The following SYT16 variants were observed in gnomAD, a reference collection of about 807,000 sequenced individuals.
SYT16 encodes the protein synaptotagmin-16.
SYT16 carries 42 observed loss-of-function variants against 61.4 expected under a neutral mutation model. The ratio of observed to expected loss-of-function variants is 0.68; its 90% CI spans 0.53 to 0.89. SYT16 has a LOEUF of 0.89. Among genes scored for constraint, SYT16 ranks in the 40% least tolerant of loss-of-function variants. The pLI, the probability that SYT16 is intolerant of heterozygous loss-of-function variation, is 0.00. For synonymous variants in SYT16, 314 were observed against 302.3 expected, an observed-to-expected ratio of 1.04 and a Z score of -0.40; for missense variants, 804 against 807.3, an observed-to-expected ratio of 1.00 and a Z score of 0.05.
At chr14:61,895,814 A>T (rs550903364) in intron 1 of SYT16, among the ~76,000 whole-genome samples, 2 of 152,352 alleles carry the variant, frequency 1.3e-5, no homozygotes, top group South Asian at 2.1e-4. Context: ...GTAAAAAAAA[A>T]TTAATCTTGT....
intron 1 of SYT16, among the ~76,000 whole-genome samples, chr14:61,891,431 G>T (rs1288321580): frequency 6.6e-6 from 1 of 152,146 alleles, no homozygotes; most frequent in Non-Finnish European, 1.5e-5. Flanking sequence ...ATGCATTTCA[G>T]CTCACTGTTG....
At chr14:61,889,065 T>G (rs2048024105) in intron 1 of SYT16, among the ~76,000 whole-genome samples, 1 of 152,042 alleles carries the variant, frequency 6.6e-6, no homozygotes, top group Admixed American at 6.6e-5. Flanking sequence ...CTTGGTAAAG[T>G]TGGTAAGGCA....
intron 1 of SYT16, among the ~76,000 whole-genome samples, chr14:61,948,128 T>C (rs960945051): frequency 6.6e-6 from 1 of 152,168 alleles, no homozygotes; most frequent in Non-Finnish European, 1.5e-5. Context: ...AGGAGAGCCC[T>C]AGAAGCTTTT....
chr14:61,974,154 C>G (rs10146529), intron 2 of SYT16, among the ~76,000 whole-genome samples: 110,057 of 151,962 alleles, frequency 0.72, 40,038 homozygotes, highest in Admixed American at 0.8. Flanking sequence ...CAGGAGAACA[C>G]TTGTTTTAGA....
At chr14:61,821,827 G>C (rs546048101) in intron 1 of SYT16, among the ~76,000 whole-genome samples, 1 of 152,282 alleles carries the variant, frequency 6.6e-6, no homozygotes, top group South Asian at 2.1e-4. Context: ...GAGTCTGTCT[G>C]CTATACTCCC....
intron 1 of SYT16, among the ~76,000 whole-genome samples, chr14:61,940,900 T>C (rs1200125767): frequency 6.6e-6 from 1 of 152,158 alleles, no homozygotes; most frequent in Non-Finnish European, 1.5e-5. Flanking sequence ...GCAGATCTGC[T>C]TGAATAATCA....
chr14:62,090,323 A>G (rs1394932862), intron 7 of SYT16, among the ~76,000 whole-genome samples: 1 of 152,228 alleles, frequency 6.6e-6, no homozygotes, highest in Non-Finnish European at 1.5e-5. Flanking sequence ...ACCCCAAATG[A>G]TAATACTTAA....
At chr14:61,964,236 T>C (rs891980652) in intron 1 of SYT16, among the ~76,000 whole-genome samples, 9 of 152,186 alleles carry the variant, frequency 5.9e-5, no homozygotes, top group Non-Finnish European at 1.2e-4. Context: ...CTGACTCATA[T>C]GGGCAAAGCA....
rs376404574 is a variant in SYT16, at chr14:62,081,173, C to G, written c.1333C>G (p.Arg445Gly). 2.2e-5 allele frequency: 35 copies of G among 1,613,722 alleles called. No individual in the cohort carries two copies. The African/African-American group carries it at 4.3e-4, about 20-fold the overall frequency. ...FRLYAARKMTRERMMGEKLFY... is the reference protein window; with the variant it reads ...FRLYAARKMTGERMMGEKLFY... The stretch of plus-strand genomic sequence containing the variant: ...CCTGTACGCTGCCCGGAAGATGACC[C>G]GAGAGAGAATGATGGGAGAGAAACT... The change falls in exon 6 of 8, where the codon CGA becomes GGA. Residue 445 changes from arginine (R) to glycine (G), a missense_variant. Physicochemically the swap from Arg to Gly is moderately radical, Grantham distance 125. Coordinates refer to ENST00000683842, the MANE Select transcript of SYT16 (RefSeq NM_001367656.1).
intron 1 of SYT16, among the ~76,000 whole-genome samples, chr14:61,862,376 C>T (rs1024205179): frequency 2.0e-5 from 3 of 152,164 alleles, no homozygotes; most frequent in Non-Finnish European, 4.4e-5. Flanking sequence ...CATATGTCAT[C>T]CTTTGTGTCT....
intron 1 of SYT16, among the ~76,000 whole-genome samples, chr14:61,881,058 GC>G (rs1243018200): frequency 6.6e-6 from 1 of 151,908 alleles, no homozygotes; most frequent in Admixed American, 6.6e-5. Context: ...CATCCATGAA[GC>G]CCCCCTGGTG....
chr14:61,961,063 A>AT (rs781735070), intron 1 of SYT16, among the ~76,000 whole-genome samples: 27 of 152,346 alleles, frequency 1.8e-4, no homozygotes, highest in Non-Finnish European at 3.7e-4. Flanking sequence ...CTGGCTAGCC[A>AT]TGTGCAGGAA....
At chr14:62,028,105 G>C (rs2054169817) in intron 3 of SYT16, among the ~76,000 whole-genome samples, 1 of 152,128 alleles carries the variant, frequency 6.6e-6, no homozygotes, top group Admixed American at 6.6e-5. Context: ...GCCTGGCTGG[G>C]TTTTGGAAGG....
chr14:61,839,905 G>C (rs1457341492), intron 1 of SYT16, among the ~76,000 whole-genome samples: 1 of 151,352 alleles, frequency 6.6e-6, no homozygotes, highest in Non-Finnish European at 1.5e-5. Context: ...GGAGGGAGGA[G>C]GGAAAGAGGA....
intron 1 of SYT16, among the ~76,000 whole-genome samples, chr14:61,928,051 C>T (rs1192998288): frequency 6.6e-6 from 1 of 152,160 alleles, no homozygotes; most frequent in Non-Finnish European, 1.5e-5. Flanking sequence ...GAAAATAGTA[C>T]AAGAACTGTA....
chr14:61,911,920 G>A (rs766708663), intron 1 of SYT16, among the ~76,000 whole-genome samples: 10 of 152,144 alleles, frequency 6.6e-5, no homozygotes, highest in East Asian at 5.8e-4. Flanking sequence ...TGCAAAAAGC[G>A]CAGTTACGGG....
chr14:61,984,537 A>G (rs953219544), intron 2 of SYT16, among the ~76,000 whole-genome samples: 1 of 152,144 alleles, frequency 6.6e-6, no homozygotes, highest in Non-Finnish European at 1.5e-5. Flanking sequence ...CAGAAAGTAG[A>G]ATCTTATTCA....
chr14:62,001,196 C>T (rs1302485709), intron 3 of SYT16, among the ~76,000 whole-genome samples: 1 of 152,008 alleles, frequency 6.6e-6, no homozygotes, highest in East Asian at 1.9e-4. Context: ...AAATGCGTGA[C>T]ATTTATGTTT....
At chr14:61,979,202 C>CTTA (rs1201767315) in intron 2 of SYT16, among the ~76,000 whole-genome samples, 1 of 151,994 alleles carries the variant, frequency 6.6e-6, no homozygotes, top group African/African-American at 2.4e-5. Context: ...TAGGAGTGGT[C>CTTA]TTATTATTAT....
Sources: gnomAD v4.1 joint callset for allele counts (sites outside exome capture counted in the v4.1 genomes callset) on GRCh38, gnomAD v4.1.1 for gene constraint, MANE v1.5 for transcripts, NCBI Gene and HGNC (gene_info 2026-07-23, HGNC 2026-07-21) for gene names.